PPP2R5C: variants seen among roughly 807,000 people sequenced by gnomAD.
PPP2R5C encodes serine/threonine-protein phosphatase 2A 56 kDa regulatory subunit gamma isoform.
Under a neutral mutation model 68.9 loss-of-function variants are expected in PPP2R5C, and 7 were observed. The observed-to-expected ratio is 0.10, with a 90% confidence interval of 0.06 to 0.19. PPP2R5C has a LOEUF of 0.19. PPP2R5C is among the 10% of genes least tolerant of loss of function. The pLI, the probability that PPP2R5C is intolerant of heterozygous loss-of-function variation, is 1.00. For missense variants in PPP2R5C, 348 were observed against 641.3 expected (o/e 0.54, Z 4.94); for synonymous variants, 210 against 222.2 (o/e 0.95, Z 0.49).
At chr14:101,787,637 G>C (rs1444416750) in intron 3 of PPP2R5C, among the ~76,000 whole-genome samples, 2 of 151,882 alleles carry the variant, frequency 1.3e-5, no homozygotes, top group Non-Finnish European at 2.9e-5. Context: ...CGTGGTGGCG[G>C]GCGCCTGTAG....
chr14:101,786,475 A>G (rs1411869833), intron 3 of PPP2R5C, among the ~76,000 whole-genome samples: 1 of 152,176 alleles, frequency 6.6e-6, no homozygotes, highest in Non-Finnish European at 1.5e-5. Context: ...TAAGCTAGCC[A>G]GTTTTTCTTT....
intron 1 of PPP2R5C, among the ~76,000 whole-genome samples, chr14:101,816,531 A>C (rs1595243146): frequency 6.6e-6 from 1 of 152,316 alleles, no homozygotes; most frequent in South Asian, 2.1e-4. Context: ...AATCAAACCT[A>C]TTAGAGACAT....
At chr14:101,847,340 T>C (rs2041890815) in intron 1 of PPP2R5C, among the ~76,000 whole-genome samples, 1 of 152,208 alleles carries the variant, frequency 6.6e-6, no homozygotes, top group Non-Finnish European at 1.5e-5. Context: ...GCAGCCTGAT[T>C]AATATCTCCT....
intron 1 of PPP2R5C, among the ~76,000 whole-genome samples, chr14:101,829,179 A>G (rs2040582782): frequency 6.6e-6 from 1 of 152,090 alleles, no homozygotes; most frequent in African/African-American, 2.4e-5. Context: ...GTGGGGTTCT[A>G]ACCTTGAAAT....
chr14:101,907,783 G>T (rs548816633), intron 10 of PPP2R5C, among the ~76,000 whole-genome samples: 1 of 152,120 alleles, frequency 6.6e-6, no homozygotes. Flanking sequence ...CCCTGCTGCC[G>T]GCGGACCAGC....
At chr14:101,872,133 G>A (rs1246236449) in intron 2 of PPP2R5C, among the ~76,000 whole-genome samples, 1 of 148,450 alleles carries the variant, frequency 6.7e-6, no homozygotes, top group East Asian at 2.0e-4. Context: ...TTGAAGGACT[G>A]TCTTAATATT....
At position 101,799,902 on chromosome 14, in the gene PPP2R5C, C is replaced by A. The variant is rs914003519; in HGVS notation, c.259+13719C>A. ...GCCCTTTCTTTGTTCCTAGCCTGTGCCTAAGAGACAGTATTCATTAAGGGA... is the reference window on the plus strand; with the variant it reads ...GCCCTTTCTTTGTTCCTAGCCTGTGACTAAGAGACAGTATTCATTAAGGGA... On this transcript the variant is annotated intron_variant, in intron 3 of 14. Coordinates refer to the PPP2R5C transcript ENST00000328724. Among the ~76,000 whole-genome samples the A allele has an allele frequency of 2.6e-5, 4 of 152,292 alleles. No individual in the cohort carries two copies. In the East Asian group the frequency reaches 7.7e-4, roughly 29 times the overall value.
intron 1 of PPP2R5C, among the ~76,000 whole-genome samples, chr14:101,838,349 T>G (rs2041250154): frequency 6.6e-6 from 1 of 152,234 alleles, no homozygotes; most frequent in African/African-American, 2.4e-5. Flanking sequence ...AAATGGCATT[T>G]TGTAAAATTC....
rs542377592 is a variant in PPP2R5C, at chr14:101,871,508, G to A, written c.295-10653G>A. On this transcript the variant is annotated intron_variant, in intron 2 of 13. Coordinates refer to ENST00000334743, the Ensembl canonical transcript of PPP2R5C. ...TCTGCCCTCCTCGGCCTCCCAAAGT[G>A]CTGGGATTACAGGCGTGAACCACTG... is the stretch of plus-strand genomic sequence containing the variant. 1.1e-4 allele frequency among the ~76,000 whole-genome samples: 17 copies of A among 152,234 alleles called. No individual in the cohort carries two copies. The East Asian group carries it at 3.3e-3, about 29-fold the overall frequency.
At chr14:101,873,511 C>T (rs1443952023) in intron 2 of PPP2R5C, among the ~76,000 whole-genome samples, 1 of 152,110 alleles carries the variant, frequency 6.6e-6, no homozygotes, top group African/African-American at 2.4e-5. Context: ...ATTAGGAAGC[C>T]AGTGCCCTAT....
intron 1 of PPP2R5C, among the ~76,000 whole-genome samples, chr14:101,851,262 G>A (rs2042141114): frequency 6.6e-6 from 1 of 152,080 alleles, no homozygotes; most frequent in South Asian, 2.1e-4. Context: ...GTGAGATTGT[G>A]TCTCTATAAA....
rs1184373927 is a variant in PPP2R5C, at chr14:101,781,276, G to A, written c.94-4742G>A. 6.6e-6 allele frequency among the ~76,000 whole-genome samples: 1 copy of A among 152,200 alleles called. No individual in the cohort carries two copies. The highest frequency in any genetic ancestry group is 1.5e-5 in the Non-Finnish European group (1 of 68,024). Reference sequence around the variant, plus strand: ...TGTTTACAGCTGCCGTATTTCCCGGGACCCTGGCTTCTGTCCTCAGGGACC... The same window carrying A: ...TGTTTACAGCTGCCGTATTTCCCGGAACCCTGGCTTCTGTCCTCAGGGACC... On this transcript the variant is annotated intron_variant, in intron 2 of 14. Transcript: ENST00000328724. The surrounding 1 kb of genome is among the most constrained non-coding windows in gnomAD (Gnocchi z 6.4).
chr14:101,821,463 G>GTGTC (rs1402574303), intron 1 of PPP2R5C, among the ~76,000 whole-genome samples: 85 of 150,954 alleles, frequency 5.6e-4, no homozygotes, highest in Non-Finnish European at 1.1e-3. Flanking sequence ...GTGTGTGTGT[G>GTGTC]TGTGTGTGTG....
chr14:101,817,872 T>C (rs1300041645), intron 1 of PPP2R5C, among the ~76,000 whole-genome samples: 2 of 152,214 alleles, frequency 1.3e-5, no homozygotes, highest in African/African-American at 4.8e-5. Flanking sequence ...TGAGACTCAG[T>C]GCTCATGGTG....
chr14:101,774,297 G>A (rs938797791), intron 2 of PPP2R5C, among the ~76,000 whole-genome samples: 14 of 152,306 alleles, frequency 9.2e-5, no homozygotes, highest in African/African-American at 3.4e-4. Context: ...TTTGCTTTGA[G>A]GTGCCAGCTC....
chr14:101,814,540 A>G (rs938066078), intron 1 of PPP2R5C, among the ~76,000 whole-genome samples: 1 of 152,164 alleles, frequency 6.6e-6, no homozygotes, highest in Non-Finnish European at 1.5e-5. Flanking sequence ...TACGCTCTCA[A>G]TCTCAGAGGC....
chr14:101,836,258 G>A, intron 1 of PPP2R5C: 1 of 702,864 alleles, frequency 1.4e-6, no homozygotes, highest in Non-Finnish European at 2.6e-6. Context: ...GCAGCAGGGA[G>A]AGCAAACCCA....
At chr14:101,762,951 A>G (rs928884944) in exon 2 of PPP2R5C, 1 of 1,579,690 alleles carries the variant, frequency 6.3e-7, no homozygotes, top group African/African-American at 1.3e-5. Flanking sequence ...AAAGAAGGAC[A>G]AGACACAGTA....
chr14:101,847,274 A>G (rs576202544), intron 1 of PPP2R5C, among the ~76,000 whole-genome samples: 39 of 152,334 alleles, frequency 2.6e-4, no homozygotes, highest in Admixed American at 1.9e-3. Context: ...ATTATTATCA[A>G]TTGTTCTCGT....
Sources: allele counts gnomAD v4.1 joint callset (sites outside exome capture counted in the v4.1 genomes callset), GRCh38; gene constraint gnomAD v4.1.1; non-coding constraint Gnocchi (gnomAD v3.1); transcripts MANE v1.5; gene names NCBI Gene and HGNC (gene_info 2026-07-23, HGNC 2026-07-21).